Variants in PPP1CB observed in about 807,000 individuals in gnomAD.
PPP1CB encodes protein phosphatase 1 catalytic subunit beta, also known as serine/threonine-protein phosphatase PP1-beta catalytic subunit.
In PPP1CB, 2 loss-of-function variants were observed where a neutral mutation model predicts 43.7. That is an observed-to-expected ratio of 0.05 (90% CI 0.02 to 0.14). PPP1CB has a LOEUF of 0.14. Ranked by LOEUF, PPP1CB falls within the 10% of genes least tolerant of loss-of-function variation. The probability of loss-of-function intolerance (pLI) is 1.00; values close to 1 mark genes in which losing one functional copy is unlikely to be tolerated. For missense variants in PPP1CB, 84 were observed against 398.0 expected (o/e 0.21, Z 6.71); for synonymous variants, 136 against 135.6 (o/e 1.00, Z -0.02).
At chr2:28,766,833 G>A (rs1394632405) in intron 1 of PPP1CB, among the ~76,000 whole-genome samples, 2 of 152,252 alleles carry the variant, frequency 1.3e-5, no homozygotes, top group African/African-American at 2.4e-5. Context: ...TGTAATCCCA[G>A]CACTTTGGGA....
chr2:28,791,962 A>C lies in PPP1CB; in HGVS notation c.745-1901A>C, dbSNP rs180687895. On this transcript the variant is annotated intron_variant, in intron 6 of 7. Transcript: ENST00000395366. ...TTTGAAAGAATGAACAAGTAAGCAAACTAAAAAACCAAGAACTAAAAACAT... is the reference window on the plus strand; with the variant it reads ...TTTGAAAGAATGAACAAGTAAGCAACCTAAAAAACCAAGAACTAAAAACAT... Among the ~76,000 whole-genome samples the C allele has an allele frequency of 2.8e-4, 43 of 152,308 alleles. 2 individuals are homozygous for C. In the East Asian group the frequency reaches 7.7e-3, roughly 27 times the overall value.
chr2:28,784,917 C>CAAAAAAAAAAAA (rs869155670), intron 5 of PPP1CB, among the ~76,000 whole-genome samples: 1 of 79,088 alleles, frequency 1.3e-5, no homozygotes, highest in Admixed American at 1.7e-4. Flanking sequence ...GAAACTGTCT[C>CAAAAAAAAAAAA]AAAAAAAAAA....
Position 28,781,784 on chromosome 2 carries a change from T to C in PPP1CB, c.462T>C (p.Cys154=). 6.2e-7 allele frequency: 1 copy of C among 1,612,520 alleles called. No homozygotes were observed. The highest frequency in any genetic ancestry group is 8.5e-7 in the Non-Finnish European group (1 of 1,179,318). ...AATTGTGGAAGACCTTCACTGATTG[T>C]TTTAACTGTCTGCCTATAGCAGCCA... is the stretch of plus-strand genomic sequence containing the variant. ...NIKLWKTFTD[C]FNCLPIAAIV... is the part of the protein sequence containing the mutation. The change falls in exon 4 of 8, where the codon TGT becomes TGC. Residue 154 remains cysteine (C), a synonymous_variant. Coordinates refer to ENST00000395366, the MANE Select transcript of PPP1CB (RefSeq NM_002709.3).
intron 1 of PPP1CB, among the ~76,000 whole-genome samples, chr2:28,769,773 T>G (rs1666862508): frequency 6.6e-6 from 1 of 151,732 alleles, no homozygotes; most frequent in South Asian, 2.1e-4. Context: ...GTATTTGTAA[T>G]CTCTAGAGCA....
chr2:28,784,171 A>G (rs1289718801), intron 5 of PPP1CB, among the ~76,000 whole-genome samples, 193 bp downstream of exon 5: 1 of 152,190 alleles, frequency 6.6e-6, no homozygotes. Flanking sequence ...CAAAATGCGG[A>G]ACCTTTTTAT....
intron 7 of PPP1CB, among the ~76,000 whole-genome samples, chr2:28,796,485 G>GTAGAGATCT (rs1667499814): frequency 1.3e-5 from 2 of 151,920 alleles, no homozygotes; most frequent in African/African-American, 4.8e-5. Flanking sequence ...CTTTGTAGTT[G>GTAGAGATCT]TAGAGATCTT....
chr2:28,794,935 A>G (rs1188445064), intron 7 of PPP1CB, among the ~76,000 whole-genome samples: 1 of 152,076 alleles, frequency 6.6e-6, no homozygotes, highest in Non-Finnish European at 1.5e-5. Flanking sequence ...GGTTTGGTGT[A>G]TGAATGATCT....
Position 28,797,892 on chromosome 2 carries a change from A to G in PPP1CB, c.880-1307A>G, listed in dbSNP as rs77320175. On this transcript the variant is annotated intron_variant, in intron 7 of 7. Transcript: ENST00000395366. ...ACTTTGCTTTTGCAAAGGCTATTCTATGTCTTTGATGTACACACACTGTAT... is the reference window on the plus strand; with the variant it reads ...ACTTTGCTTTTGCAAAGGCTATTCTGTGTCTTTGATGTACACACACTGTAT... Among the ~76,000 whole-genome samples the G allele has an allele frequency of 7.1e-4, 108 of 152,224 alleles. 1 individual carries two copies. The East Asian group carries it at 0.021, about 29-fold the overall frequency.
In PPP1CB at chr2:28,799,187, ATTTAC is replaced by A. The variant is rs779302178; in HGVS notation, c.880-7_880-3del. ...GAAAAAATAACATTATTTGTTAATA[ATTTAC>A]TTTAAGATATTGAAACCATCTGAAA... is the stretch of plus-strand genomic sequence containing the variant. On this transcript the variant is annotated splice_region_variant and splice_polypyrimidine_tract_variant and intron_variant, in intron 7 of 7. Coordinates refer to ENST00000395366, the MANE Select transcript of PPP1CB (RefSeq NM_002709.3). 1.6e-5 allele frequency: 24 copies of A among 1,478,194 alleles called. No individual in the cohort carries two copies. Among genetic ancestry groups the A allele is most frequent in the African/African-American group, 1.6e-4 (11 of 70,772 alleles). The allele number at this position is 1,478,194 out of a possible 1,614,324, so 91.6% of individuals were successfully genotyped here.
chr2:28,775,085 A>G (rs1468673109), intron 1 of PPP1CB, among the ~76,000 whole-genome samples: 2 of 151,790 alleles, frequency 1.3e-5, no homozygotes, highest in Non-Finnish European at 2.9e-5. Flanking sequence ...GGAATCAGCA[A>G]TTTTTAGCAA....
intron 1 of PPP1CB, among the ~76,000 whole-genome samples, chr2:28,753,828 G>A (rs1666410526): frequency 6.6e-6 from 1 of 152,092 alleles, no homozygotes; most frequent in South Asian, 2.1e-4. Context: ...CCGCCTCCCG[G>A]GTTCGAGCGA....
intron 1 of PPP1CB, among the ~76,000 whole-genome samples, chr2:28,752,603 C>T (rs1284986372): frequency 6.6e-6 from 1 of 152,170 alleles, no homozygotes; most frequent in Non-Finnish European, 1.5e-5. Context: ...TGTGCATTGC[C>T]CTTGGCTGCC....
At chr2:28,792,472 A>C (rs1667408928) in intron 6 of PPP1CB, among the ~76,000 whole-genome samples, 1 of 152,192 alleles carries the variant, frequency 6.6e-6, no homozygotes, top group African/African-American at 2.4e-5. Context: ...CAGTAAGCCA[A>C]GATTGCACCA....
chr2:28,775,039 C>CT lies in PPP1CB; in HGVS notation c.53-1801dup, dbSNP rs754189510. On this transcript the variant is annotated intron_variant, in intron 1 of 7. Coordinates refer to ENST00000395366, the MANE Select transcript of PPP1CB (RefSeq NM_002709.3). ...ATATATAGCTTTTGCATGTGGAGGC[C>CT]TTTTTTTTTTTAAAGCCTCTTATTG... Among the ~76,000 whole-genome samples, 69 of 145,630 alleles carry CT rather than the reference C, an allele frequency of 4.7e-4. No homozygotes were observed. In the East Asian group the frequency reaches 6.2e-3, roughly 13 times the overall value.
At chr2:28,760,704 G>T (rs1017079421) in intron 1 of PPP1CB, among the ~76,000 whole-genome samples, 9 of 152,180 alleles carry the variant, frequency 5.9e-5, no homozygotes, top group African/African-American at 2.2e-4. Context: ...ATAATAAAAG[G>T]TTAGGTATAT....
Position 28,802,925 on chromosome 2 carries a change from AT to A in PPP1CB, c.*3627del, listed in dbSNP as rs1276491895. On this transcript the variant is annotated 3_prime_UTR_variant, in exon 8 of 8. Coordinates refer to ENST00000395366, the MANE Select transcript of PPP1CB (RefSeq NM_002709.3). ...GATTGCTGATGTTTTATTAAACCTT[AT>A]TTTTACAAAAATGACCATAAATCTT... The A allele has an allele frequency of 6.6e-6, 1 of 152,152 alleles. No homozygotes were observed. Among genetic ancestry groups the A allele is most frequent in the Non-Finnish European group, 1.5e-5 (1 of 68,034 alleles). 9.4% of individuals were successfully genotyped at this position (152,152 alleles called of 1,614,324 possible).
At chr2:28,758,803 C>CT (rs1184733705) in intron 1 of PPP1CB, among the ~76,000 whole-genome samples, 1 of 152,224 alleles carries the variant, frequency 6.6e-6, no homozygotes, top group Admixed American at 6.5e-5. Context: ...TTACCTGCAT[C>CT]TGTGCAAAGA....
chr2:28,752,241 G>C lies in PPP1CB; in HGVS notation c.52+65G>C, dbSNP rs2276547. On this transcript the variant is annotated intron_variant, in intron 1 of 7. Coordinates refer to ENST00000395366, the MANE Select transcript of PPP1CB (RefSeq NM_002709.3). ...CACCGCCGCCGACCCCTGCGTCCCC[G>C]TCTGCCGCCGGAACGCGAGGGGACC... 0.7 allele frequency: 978,293 copies of C among 1,406,086 alleles called. 341,299 individuals are homozygous for C. Among genetic ancestry groups the C allele is most frequent in the South Asian group, 0.73 (56,283 of 76,792 alleles). The allele number at this position is 1,406,086 out of a possible 1,614,324, so 87.1% of individuals were successfully genotyped here.
chr2:28,760,844 G>A lies in PPP1CB; in HGVS notation c.52+8668G>A, dbSNP rs190571962. On this transcript the variant is annotated intron_variant, in intron 1 of 7. Coordinates refer to ENST00000395366, the MANE Select transcript of PPP1CB (RefSeq NM_002709.3). ...GTTTCCTCAATGTGGTTTGAATTGA[G>A]CGTTTTATTTAAATTACTATCAAAT... Among the ~76,000 whole-genome samples the A allele has an allele frequency of 1.9e-4, 29 of 152,272 alleles. No homozygotes were observed. The South Asian group carries it at 5.4e-3, about 28-fold the overall frequency.
Sources: gnomAD v4.1 joint callset for allele counts (sites outside exome capture counted in the v4.1 genomes callset) on GRCh38, gnomAD v4.1.1 for gene constraint, MANE v1.5 for transcripts, NCBI Gene and HGNC (gene_info 2026-07-23, HGNC 2026-07-21) for gene names.